The following EYS variants were observed in gnomAD, a reference collection of about 807,000 sequenced individuals.
EYS encodes the protein EGF-like photoreceptor maintenance factor.
Under a neutral mutation model 282.1 loss-of-function variants are expected in EYS, and 250 were observed. The ratio of observed to expected loss-of-function variants is 0.89; its 90% CI spans 0.80 to 0.98. The LOEUF (loss-of-function observed/expected upper bound fraction) is 0.98. EYS is among the 50% of genes least tolerant of loss of function. The pLI, the probability that EYS is intolerant of heterozygous loss-of-function variation, is 0.00. For missense variants in EYS, 4,016 were observed against 3,709.0 expected, an observed-to-expected ratio of 1.08 and a Z score of -2.15; for synonymous variants, 1,355 against 1,282.9, an observed-to-expected ratio of 1.06 and a Z score of -1.20.
intron 26 of EYS, among the ~76,000 whole-genome samples, chr6:64,559,090 G>C (rs1325605059): frequency 6.6e-6 from 1 of 151,998 alleles, no homozygotes; most frequent in African/African-American, 2.4e-5. Flanking sequence ...TTATGACATG[G>C]TCTAATCTCC....
At chr6:64,764,180 A>G (rs969386081) in intron 22 of EYS, among the ~76,000 whole-genome samples, 7 of 152,178 alleles carry the variant, frequency 4.6e-5, no homozygotes, top group Admixed American at 1.3e-4. Flanking sequence ...CCAACCACAC[A>G]TTTCCCTTCT....
At chr6:65,280,843 C>A (rs1768197110) in intron 12 of EYS, among the ~76,000 whole-genome samples, 1 of 141,796 alleles carries the variant, frequency 7.1e-6, no homozygotes, top group Admixed American at 7.1e-5. Flanking sequence ...CAAAGTGAAA[C>A]CCCGTCTGTA....
At chr6:65,656,439 T>C (rs1023741924) in intron 1 of EYS, among the ~76,000 whole-genome samples, 3 of 151,814 alleles carry the variant, frequency 2.0e-5, no homozygotes, top group Admixed American at 1.3e-4. Context: ...TCAGTGAACG[T>C]ATGAATGATA....
intron 29 of EYS, among the ~76,000 whole-genome samples, chr6:64,311,754 G>A (rs113971195): frequency 0.035 from 5,282 of 152,158 alleles, 219 homozygotes; most frequent in African/African-American, 0.096. Flanking sequence ...CAGCTCACCC[G>A]GGAAGCACAA....
chr6:64,288,868 A>AT (rs1410641718), intron 30 of EYS, among the ~76,000 whole-genome samples: 2 of 151,884 alleles, frequency 1.3e-5, no homozygotes, highest in Non-Finnish European at 2.9e-5. Flanking sequence ...ATCTAGCCAT[A>AT]TTTCCTTCTA....
chr6:64,116,018 G>A (rs11964066), intron 31 of EYS, among the ~76,000 whole-genome samples: 10,399 of 151,420 alleles, frequency 0.069, 1,084 homozygotes, highest in African/African-American at 0.23. Context: ...CAACAAAATC[G>A]GAAAAATAAT....
intron 4 of EYS, among the ~76,000 whole-genome samples, chr6:65,491,978 C>A (rs1327520139): frequency 6.6e-6 from 1 of 152,102 alleles, no homozygotes; most frequent in Non-Finnish European, 1.5e-5. Context: ...ATGGACCAAG[C>A]AAATAGATCT....
chr6:63,930,699 G>C (rs1324428122), intron 35 of EYS, among the ~76,000 whole-genome samples: 2 of 152,096 alleles, frequency 1.3e-5, no homozygotes, highest in African/African-American at 2.4e-5. Context: ...TTCCAAATTT[G>C]ATTTTCTTCT....
At chr6:65,268,630 G>T (rs1767819041) in intron 12 of EYS, among the ~76,000 whole-genome samples, 1 of 151,982 alleles carries the variant, frequency 6.6e-6, no homozygotes, top group Non-Finnish European at 1.5e-5. Context: ...AGCTTGGAAA[G>T]AAACATTTAA....
chr6:64,370,628 T>C (rs1046424743), intron 29 of EYS, among the ~76,000 whole-genome samples: 1 of 152,116 alleles, frequency 6.6e-6, no homozygotes, highest in African/African-American at 2.4e-5. Flanking sequence ...TGGTAGAATT[T>C]GGCTGTAAAT....
Position 64,360,005 on chromosome 6 carries a change from C to T in EYS, c.6078+28685G>A, listed in dbSNP as rs547654736. ...ACTCTCTGAAGCTCTACTAACCTTCCTCAAATGGTTTCAAGTTTCTTCATA... is the reference window on the plus strand; with the variant it reads ...ACTCTCTGAAGCTCTACTAACCTTCTTCAAATGGTTTCAAGTTTCTTCATA... On this transcript the variant is annotated intron_variant, in intron 29 of 42. Coordinates refer to ENST00000503581, the MANE Select transcript of EYS (RefSeq NM_001142800.2). Among the ~76,000 whole-genome samples, 6 of 151,792 alleles carry T rather than the reference C, an allele frequency of 4.0e-5. No homozygotes were observed. The East Asian group carries it at 1.2e-3, about 30-fold the overall frequency.
chr6:64,146,767 GA>G (rs1774531891), intron 31 of EYS, among the ~76,000 whole-genome samples: 1 of 152,130 alleles, frequency 6.6e-6, no homozygotes, highest in Admixed American at 6.6e-5. Context: ...CCCTAAAGGA[GA>G]AAAGTAGAGA....
At chr6:64,233,509 CAT>C (rs1244644355) in intron 30 of EYS, among the ~76,000 whole-genome samples, 1 of 152,040 alleles carries the variant, frequency 6.6e-6, no homozygotes, top group Non-Finnish European at 1.5e-5. Flanking sequence ...GTTTATTAAA[CAT>C]AACTAGATGT....
chr6:64,980,895 C>A (rs1390190082), intron 14 of EYS, among the ~76,000 whole-genome samples: 2 of 151,206 alleles, frequency 1.3e-5, no homozygotes, highest in African/African-American at 2.4e-5. Context: ...CTTAAAAATA[C>A]CCTTAATTTA....
At position 64,964,745 on chromosome 6, in the gene EYS, A is replaced by G. The variant is rs925292018; in HGVS notation, c.2260-18831T>C. On this transcript the variant is annotated intron_variant, in intron 14 of 42. Coordinates refer to ENST00000503581, the MANE Select transcript of EYS (RefSeq NM_001142800.2). ...AATTGAGTTCATTGAAATGAATTCT[A>G]TATAGGCTGGGTGCAGTTGCTCACA... Among the ~76,000 whole-genome samples the G allele has an allele frequency of 5.3e-5, 8 of 152,156 alleles. No homozygotes were observed. In the East Asian group the frequency reaches 1.5e-3, roughly 29 times the overall value.
intron 15 of EYS, among the ~76,000 whole-genome samples, chr6:64,939,471 A>G (rs1769017545): frequency 2.6e-5 from 4 of 151,946 alleles, no homozygotes; most frequent in Admixed American, 2.6e-4. Flanking sequence ...ATATTAAAGT[A>G]TTTTGAATTA....
At chr6:64,481,813 T>C (rs1259998277) in intron 26 of EYS, among the ~76,000 whole-genome samples, 1 of 151,680 alleles carries the variant, frequency 6.6e-6, no homozygotes, top group African/African-American at 2.4e-5. Flanking sequence ...TTCCAAGCTA[T>C]TTTAAAATAC....
intron 22 of EYS, among the ~76,000 whole-genome samples, 165 bp downstream of exon 22, chr6:64,813,213 C>A (rs945236881): frequency 3.3e-5 from 5 of 151,832 alleles, no homozygotes; most frequent in Non-Finnish European, 7.4e-5. Context: ...AAAATATAAA[C>A]AATGACATTT....
At chr6:64,329,343 C>T (rs1770553395) in intron 29 of EYS, among the ~76,000 whole-genome samples, 1 of 152,036 alleles carries the variant, frequency 6.6e-6, no homozygotes, top group South Asian at 2.1e-4. Flanking sequence ...AGATTTGCTC[C>T]AGAAATTGCA....
Sources: gnomAD v4.1 joint callset for allele counts (sites outside exome capture counted in the v4.1 genomes callset) on GRCh38, gnomAD v4.1.1 for gene constraint, MANE v1.5 for transcripts, NCBI Gene and HGNC (gene_info 2026-07-23, HGNC 2026-07-21) for gene names.